AACS: variants seen among roughly 807,000 people sequenced by gnomAD.
The protein encoded by AACS is acetoacetyl-CoA synthetase.
A neutral mutation model predicts 83.1 loss-of-function variants in AACS; 69 were observed. The ratio of observed to expected loss-of-function variants is 0.83; its 90% CI spans 0.68 to 1.01. AACS has a LOEUF of 1.01. AACS is among the 50% of genes least tolerant of loss of function. AACS has a pLI of 0.00. For missense variants in AACS, 866 were observed against 882.2 expected (o/e 0.98, Z 0.23); for synonymous variants, 333 against 343.4 (o/e 0.97, Z 0.33).
chr12:125,091,262 G>A, intron 4 of AACS, 164 bp from the exon 5 acceptor site: 1 of 655,920 alleles, frequency 1.5e-6, no homozygotes, highest in East Asian at 2.8e-5. Flanking sequence ...TGACAGGCTG[G>A]CAGCAGGCGA....
intron 3 of AACS, chr12:125,078,266 G>T (rs1490905078): frequency 1.5e-5 from 7 of 456,008 alleles, no homozygotes; most frequent in Non-Finnish European, 3.1e-5. Context: ...ATCTTCCGGG[G>T]CTGGGGCCCA....
intron 1 of AACS, among the ~76,000 whole-genome samples, chr12:125,067,304 G>A (rs1235560396): frequency 6.6e-6 from 1 of 152,192 alleles, no homozygotes. Flanking sequence ...GATTAGGGCA[G>A]CCTGGAGACT....
chr12:125,142,046 C>T, intron 17 of AACS, 46 bp from the exon 18 acceptor site: 1 of 1,609,534 alleles, frequency 6.2e-7, no homozygotes, highest in Non-Finnish European at 8.5e-7. Context: ...CGGATTTTCC[C>T]CCCTTCAGGT....
chr12:125,065,628 G>C lies in AACS; in HGVS notation c.44G>C (p.Cys15Ser). The C allele has an allele frequency of 6.5e-7, 1 of 1,543,932 alleles. No individual in the cohort carries two copies. Among genetic ancestry groups the C allele is most frequent in the Non-Finnish European group, 8.7e-7 (1 of 1,143,800 alleles). ...ERPGREEILE[C>S]QVMWEPDSKK... ...CCCGGTCGGGAGGAGATCCTGGAGT[G>C]CCAGGTGATGTGGGAGCCTGACAGT... The change falls in exon 1 of 18, where the codon TGC (cysteine) becomes TCC (serine). Residue 15 changes from cysteine (C) to serine (S), a missense_variant. Transcript: ENST00000316519.
intron 3 of AACS, among the ~76,000 whole-genome samples, chr12:125,085,329 T>A (rs1162645827): frequency 6.6e-6 from 1 of 152,194 alleles, no homozygotes. Flanking sequence ...ACCACACACG[T>A]GCACATTGCA....
At chr12:125,124,293 C>G (rs1018055825) in intron 10 of AACS, 1 of 165,554 alleles carries the variant, frequency 6.0e-6, no homozygotes, top group Non-Finnish European at 1.3e-5. Context: ...GAGACCCTGT[C>G]TAAAATAATA....
At chr12:125,116,379 A>G (rs189233101) in intron 9 of AACS, among the ~76,000 whole-genome samples, 5 of 152,274 alleles carry the variant, frequency 3.3e-5, no homozygotes, top group Admixed American at 2.6e-4. Context: ...TTTTTACTGG[A>G]AGGATCCTGT....
intron 7 of AACS, among the ~76,000 whole-genome samples, chr12:125,103,571 A>G (rs1956765069): frequency 2.0e-5 from 3 of 152,238 alleles, no homozygotes; most frequent in Admixed American, 2.0e-4. Flanking sequence ...AAACACTCGT[A>G]TATGTATTTT....
chr12:125,066,322 G>C (rs1406364216), intron 1 of AACS, among the ~76,000 whole-genome samples: 1 of 151,938 alleles, frequency 6.6e-6, no homozygotes, highest in African/African-American at 2.4e-5. Flanking sequence ...TGCCTCTCTC[G>C]GTGCGGGTGG....
At chr12:125,095,441 G>A (rs1956586336) in intron 5 of AACS, among the ~76,000 whole-genome samples, 1 of 152,178 alleles carries the variant, frequency 6.6e-6, no homozygotes, top group South Asian at 2.1e-4. Context: ...TTGAGATCCT[G>A]GTCACCCTGT....
Position 125,079,731 on chromosome 12 carries a change from A to C in AACS, c.358+3120A>C, listed in dbSNP as rs73421878. 5.7e-3 allele frequency among the ~76,000 whole-genome samples: 867 copies of C among 152,206 alleles called. 14 individuals are homozygous for C. Among genetic ancestry groups the C allele is most frequent in the African/African-American group, 0.02 (836 of 41,536 alleles). On this transcript the variant is annotated intron_variant, in intron 3 of 17. Transcript: ENST00000316519. ...TAGCATATAATTCATATACCACAGA[A>C]ATACCCTTTTAAAGCCTGCAGCTCA...
intron 5 of AACS, among the ~76,000 whole-genome samples, chr12:125,095,182 G>C (rs1424438010): frequency 6.6e-6 from 1 of 152,176 alleles, no homozygotes; most frequent in Admixed American, 6.5e-5. Flanking sequence ...CAACATGAAA[G>C]CTGTCCTCGA....
chr12:125,090,430 A>G (rs1956455064), intron 4 of AACS, among the ~76,000 whole-genome samples: 1 of 146,402 alleles, frequency 6.8e-6, no homozygotes. Flanking sequence ...TCCATTCATC[A>G]TCCTCATCCA....
intron 10 of AACS, chr12:125,119,782 G>C (rs1021644204): frequency 2.6e-5 from 4 of 152,148 alleles, no homozygotes; most frequent in African/African-American, 9.7e-5. Context: ...TGAGGTGAAG[G>C]CTGAACGCAC....
At chr12:125,125,186 C>A in intron 12 of AACS, 162 bp downstream of exon 12, 1 of 1,130,934 alleles carries the variant, frequency 8.8e-7, no homozygotes, top group Non-Finnish European at 1.2e-6. Flanking sequence ...TCCACGAAGT[C>A]ACTGTGAACA....
chr12:125,116,666 C>T (rs536835536), intron 9 of AACS, among the ~76,000 whole-genome samples: 4 of 152,120 alleles, frequency 2.6e-5, no homozygotes, highest in South Asian at 2.1e-4. Flanking sequence ...GGGGTTTCAC[C>T]GTGTTGGCCA....
At chr12:125,089,190 A>T (rs1956406317) in intron 4 of AACS, among the ~76,000 whole-genome samples, 1 of 151,982 alleles carries the variant, frequency 6.6e-6, no homozygotes, top group Non-Finnish European at 1.5e-5. Context: ...TTCGCTGCAA[A>T]CTCAGCCAAC....
intron 10 of AACS, chr12:125,120,128 G>T (rs1000916308): frequency 4.6e-5 from 7 of 152,202 alleles, no homozygotes; most frequent in African/African-American, 1.7e-4. Context: ...GGGGATAGGT[G>T]TAGTGGTCCC....
Position 125,140,794 on chromosome 12 carries a change from A to C in AACS, c.1882-1298A>C, listed in dbSNP as rs544279791. On this transcript the variant is annotated intron_variant, in intron 17 of 17. Transcript: ENST00000316519. This position sits in a 1 kb window ranked among gnomAD's most constrained non-coding sequence, Gnocchi z 5.1. ...GCCCGACTGTGAGAAGAAGTAACACACCGTCCCGTGCAGATGGCTGGCTCT... is the reference window on the plus strand; with the variant it reads ...GCCCGACTGTGAGAAGAAGTAACACCCCGTCCCGTGCAGATGGCTGGCTCT... 3 of 152,284 alleles carry C rather than the reference A, an allele frequency of 2.0e-5. No homozygotes were observed. The South Asian group carries it at 6.2e-4, about 32-fold the overall frequency. The allele number at this position is 152,284 out of a possible 1,614,324, so 9.4% of individuals were successfully genotyped here.
Sources: gnomAD v4.1 joint callset for allele counts (sites outside exome capture counted in the v4.1 genomes callset) on GRCh38, gnomAD v4.1.1 for gene constraint, Gnocchi (gnomAD v3.1) non-coding constraint, MANE v1.5 for transcripts, NCBI Gene and HGNC (gene_info 2026-07-23, HGNC 2026-07-21) for gene names.